FAAH2: variants seen among roughly 807,000 people sequenced by gnomAD.
The protein encoded by FAAH2 is fatty acid amide hydrolase 2.
In FAAH2, 60 loss-of-function variants were observed where a neutral mutation model predicts 36.9. That is an observed-to-expected ratio of 1.63 (90% confidence interval 1.32 to 2.02). FAAH2 has a LOEUF of 2.02. Among genes scored for constraint, FAAH2 ranks in the 30% most tolerant of loss-of-function variants. The probability of loss-of-function intolerance (pLI) is 0.00; values close to 1 mark genes in which losing one functional copy is unlikely to be tolerated. For synonymous variants in FAAH2, 214 were observed against 143.8 expected (o/e 1.49, Z -3.49); for missense variants, 689 against 397.5 (o/e 1.73, Z -6.23).
At chrX:57,165,785 G>A in the FAAH2 span, among the ~76,000 whole-genome samples, 1 of 111,464 alleles carries the variant, frequency 9.0e-6, no homozygotes, top group South Asian at 3.8e-4. Flanking sequence ...GAGGGGCACA[G>A]AGAAGGGCTG....
At chrX:57,149,387 T>C in the FAAH2 span, among the ~76,000 whole-genome samples, 1 of 111,874 alleles carries the variant, frequency 8.9e-6, no homozygotes, top group Non-Finnish European at 1.9e-5. Context: ...CATCTGGTCC[T>C]GGACTTTTTT....
chrX:57,444,457 A>T (rs2056630533), intron 8 of FAAH2, among the ~76,000 whole-genome samples: 1 of 111,891 alleles, frequency 8.9e-6, no homozygotes, highest in South Asian at 3.7e-4. Flanking sequence ...CGCCATTGGA[A>T]AAGCACAGTA....
chrX:57,316,191 A>C (rs1216640689), intron 3 of FAAH2, among the ~76,000 whole-genome samples: 1 of 111,521 alleles, frequency 9.0e-6, no homozygotes, highest in South Asian at 3.7e-4. Context: ...AAAGATCTCT[A>C]CGAGAACTGC....
At chrX:57,137,913 A>G in the FAAH2 span, among the ~76,000 whole-genome samples, 1 of 111,828 alleles carries the variant, frequency 8.9e-6, no homozygotes, top group African/African-American at 3.3e-5. Context: ...GTATAAAACT[A>G]TGAATTCTGT....
chrX:57,329,967 A>G (rs954582309), intron 3 of FAAH2, among the ~76,000 whole-genome samples: 4 of 111,753 alleles, frequency 3.6e-5, no homozygotes, highest in Admixed American at 9.5e-5. Flanking sequence ...CTTTACTTTA[A>G]TCTCTTAATC....
At chrX:57,131,164 C>T in the FAAH2 span, among the ~76,000 whole-genome samples, 2 of 105,442 alleles carry the variant, frequency 1.9e-5, no homozygotes, top group Non-Finnish European at 3.9e-5. Flanking sequence ...CGGCTCACTG[C>T]AAGCTCCGCT....
At chrX:57,414,486 G>T (rs2055787094) in intron 7 of FAAH2, among the ~76,000 whole-genome samples, 1 of 111,843 alleles carries the variant, frequency 8.9e-6, no homozygotes, top group Non-Finnish European at 1.9e-5. Flanking sequence ...TGTGGTTTTT[G>T]TCATTGGTTC....
At position 57,412,025 on chromosome X, in the gene FAAH2, C is replaced by T. The variant is rs371968196; in HGVS notation, c.997-19893C>T. Among the ~76,000 whole-genome samples the T allele has an allele frequency of 1.7e-4, 19 of 111,549 alleles. No individual in the cohort carries two copies. In the South Asian group the frequency reaches 3.0e-3, roughly 17 times the overall value. On this transcript the variant is annotated intron_variant, in intron 7 of 10. Coordinates refer to ENST00000374900, the MANE Select transcript of FAAH2 (RefSeq NM_174912.4). Reference sequence around the variant, plus strand: ...TATTTATGGGGTACATGTAATATTTCGATACAAGTATACAATGCATAATAG... The same window carrying T: ...TATTTATGGGGTACATGTAATATTTTGATACAAGTATACAATGCATAATAG...
At chrX:57,157,957 T>A in the FAAH2 span, among the ~76,000 whole-genome samples, 1 of 110,893 alleles carries the variant, frequency 9.0e-6, no homozygotes, top group Non-Finnish European at 1.9e-5. Flanking sequence ...CATTAACTCA[T>A]CATTTAACAT....
intron 8 of FAAH2, 28 bp downstream of exon 8, chrX:57,432,065 T>A (rs1167325462): frequency 2.6e-6 from 3 of 1,159,072 alleles, no homozygotes; most frequent in Non-Finnish European, 2.3e-6. Flanking sequence ...TTTACTTACT[T>A]TTTTCTTTGT....
chrX:57,271,853 A>T, the FAAH2 span, among the ~76,000 whole-genome samples: 13 of 110,891 alleles, frequency 1.2e-4, no homozygotes, highest in Non-Finnish European at 2.5e-4. Context: ...CTTCCTCTGA[A>T]GGATCACAAC....
the FAAH2 span, among the ~76,000 whole-genome samples, chrX:57,175,651 T>A: frequency 9.0e-6 from 1 of 111,553 alleles, no homozygotes; most frequent in African/African-American, 3.3e-5. Flanking sequence ...ATTGTGTTAT[T>A]GTTTTATAGG....
chrX:57,137,670 C>A, the FAAH2 span: 1 of 111,320 alleles, frequency 9.0e-6, no homozygotes, highest in Non-Finnish European at 1.9e-5. Context: ...TGTAGGTGGC[C>A]TTTTCTCTCT....
intron 7 of FAAH2, among the ~76,000 whole-genome samples, chrX:57,418,560 C>T (rs916266098): frequency 2.7e-5 from 3 of 110,863 alleles, no homozygotes; most frequent in African/African-American, 9.9e-5. Context: ...TGGGCTTCAC[C>T]CACTGTCTAA....
chrX:57,301,659 C>A (rs1416817210), intron 2 of FAAH2, among the ~76,000 whole-genome samples: 1 of 108,461 alleles, frequency 9.2e-6, no homozygotes, highest in East Asian at 2.9e-4. Flanking sequence ...AATATCTTCA[C>A]ATAAAATCTA....
chrX:57,275,597 G>A, the FAAH2 span, among the ~76,000 whole-genome samples: 1 of 112,203 alleles, frequency 8.9e-6, no homozygotes, highest in South Asian at 3.7e-4. Flanking sequence ...ATGTAAATGG[G>A]CTTAAAGCCC....
intron 5 of FAAH2, among the ~76,000 whole-genome samples, chrX:57,346,015 A>T (rs1403323448): frequency 2.7e-5 from 3 of 111,204 alleles, no homozygotes; most frequent in Non-Finnish European, 5.7e-5. Context: ...ATTTTTTTGA[A>T]TTTATTGAGA....
At chrX:57,227,361 C>T in the FAAH2 span, among the ~76,000 whole-genome samples, 1 of 111,284 alleles carries the variant, frequency 9.0e-6, no homozygotes, top group Non-Finnish European at 1.9e-5. Flanking sequence ...TAGTACTCTC[C>T]CCCTTTTCGT....
chrX:57,399,133 G>A (rs1425313342), intron 7 of FAAH2, among the ~76,000 whole-genome samples: 18 of 111,453 alleles, frequency 1.6e-4, no homozygotes, highest in Admixed American at 1.2e-3. Context: ...TTACAGCTTC[G>A]ATTCTGGAAG....
Sources: allele counts gnomAD v4.1 joint callset (sites outside exome capture counted in the v4.1 genomes callset), GRCh38; gene constraint gnomAD v4.1.1; transcripts MANE v1.5; gene names NCBI Gene and HGNC (gene_info 2026-07-23, HGNC 2026-07-21).